Variants in ARHGEF7 observed in about 807,000 individuals in gnomAD.
ARHGEF7 encodes PAK-interacting exchange factor beta.
A neutral mutation model predicts 109.8 loss-of-function variants in ARHGEF7; 33 were observed. That is an observed-to-expected ratio of 0.30 (90% CI 0.23 to 0.40). The LOEUF is 0.40. Ranked by LOEUF, ARHGEF7 falls within the 10% of genes least tolerant of loss-of-function variation. The probability of loss-of-function intolerance (pLI) is 1.00; values close to 1 mark genes in which losing one functional copy is unlikely to be tolerated. For synonymous variants in ARHGEF7, 458 were observed against 424.6 expected, an observed-to-expected ratio of 1.08 and a Z score of -0.97; for missense variants, 938 against 1,098.5, an observed-to-expected ratio of 0.85 and a Z score of 2.07.
intron 2 of ARHGEF7, among the ~76,000 whole-genome samples, chr13:111,176,598 C>G (rs1034276955): frequency 1.4e-4 from 21 of 152,336 alleles, no homozygotes; most frequent in African/African-American, 5.1e-4. Flanking sequence ...GGAAGTTTCC[C>G]ATCAGGTAGG....
intron 4 of ARHGEF7, among the ~76,000 whole-genome samples, chr13:111,215,913 TA>T (rs1276841223): frequency 6.6e-6 from 1 of 152,100 alleles, no homozygotes; most frequent in African/African-American, 2.4e-5. Context: ...GTTTTTTTGT[TA>T]ATTCCCCTGT....
intron 8 of ARHGEF7, among the ~76,000 whole-genome samples, chr13:111,245,583 T>C (rs183621421): frequency 6.6e-6 from 1 of 152,266 alleles, no homozygotes; most frequent in Non-Finnish European, 1.5e-5. Context: ...CAGTGATTGC[T>C]CTCATTTGGT....
intron 2 of ARHGEF7, among the ~76,000 whole-genome samples, chr13:111,199,343 T>C (rs755126786): frequency 7.2e-5 from 11 of 152,094 alleles, no homozygotes; most frequent in Non-Finnish European, 1.2e-4. Flanking sequence ...CTTAGAACTT[T>C]TGTCTGCTGA....
rs2092322873 is a variant in ARHGEF7 at position 111,273,768 on chromosome 13, C to G, written c.1074-46C>G. 6.2e-7 allele frequency: 1 copy of G among 1,607,810 alleles called. No individual in the cohort carries two copies. Among genetic ancestry groups the G allele is most frequent in the African/African-American group, 1.3e-5 (1 of 74,840 alleles). On this transcript the variant is annotated intron_variant, in intron 9 of 21. Coordinates refer to ENST00000646102, the MANE Select transcript of ARHGEF7 (RefSeq NM_001354046.2). This position sits in a 1 kb window ranked among gnomAD's most constrained non-coding sequence, Gnocchi z 4.5. ...ATGGAGATGAGAGAGCCACCATTGT[C>G]TCTCATTGCTAACCACGAGTGTCTC...
intron 6 of ARHGEF7, among the ~76,000 whole-genome samples, chr13:111,242,170 C>T (rs1195534239): frequency 2.0e-5 from 3 of 152,194 alleles, no homozygotes; most frequent in African/African-American, 7.2e-5. Context: ...GAATAGATCC[C>T]TTCAGGGATG....
At chr13:111,155,292 C>T (rs1347713873) in intron 2 of ARHGEF7, among the ~76,000 whole-genome samples, 1 of 152,148 alleles carries the variant, frequency 6.6e-6, no homozygotes, top group Non-Finnish European at 1.5e-5. Context: ...CTATAGGTTT[C>T]TCGGAAAACC....
intron 13 of ARHGEF7, among the ~76,000 whole-genome samples, chr13:111,278,308 T>G (rs764758808): frequency 6.6e-6 from 1 of 152,082 alleles, no homozygotes; most frequent in Non-Finnish European, 1.5e-5. Flanking sequence ...ACTTGGCAGG[T>G]TTCATTCTTC....
chr13:111,276,034 C>T, intron 12 of ARHGEF7: 1 of 259,214 alleles, frequency 3.9e-6, no homozygotes, highest in South Asian at 5.0e-5. Flanking sequence ...GGCTCACTCT[C>T]ACAGGGACCT....
rs556455992 is a variant in ARHGEF7 at position 111,304,600 on chromosome 13, C to T, written c.*1487C>T. ...CACCTGAATCCTTTGTGTACTGATG[C>T]CTTTGAGCTGGGCACCTTGGGAGAG... On this transcript the variant is annotated 3_prime_UTR_variant, in exon 22 of 22. Transcript: ENST00000646102. 6.6e-6 allele frequency: 1 copy of T among 152,354 alleles called. No individual in the cohort carries two copies. Among genetic ancestry groups the T allele is most frequent in the South Asian group, 2.1e-4 (1 of 4,828 alleles). 9.4% of individuals were successfully genotyped at this position (152,354 alleles called of 1,614,324 possible).
chr13:111,205,233 A>T, intron 2 of ARHGEF7, 56 bp from the exon 3 acceptor site: 1 of 1,418,348 alleles, frequency 7.1e-7, no homozygotes, highest in South Asian at 1.2e-5. Flanking sequence ...AACTTAGTTC[A>T]TCCTGCACCC....
chr13:111,296,810 G>A (rs994022746), intron 19 of ARHGEF7, among the ~76,000 whole-genome samples: 6 of 152,264 alleles, frequency 3.9e-5, no homozygotes, highest in African/African-American at 1.4e-4. Flanking sequence ...GTGATTCTCC[G>A]AGAAGTGTAG....
In ARHGEF7 at chr13:111,300,770, A is replaced by G; in HGVS notation, c.2334A>G (p.Pro778=). The change falls in exon 20 of 22, where the codon CCA becomes CCG. Residue 778 remains proline (P), a synonymous_variant. Transcript: ENST00000646102. ...TAGGTTCACGCAAAGAATCTGCTCC[A>G]CAAGTTTTGCTTCCAGAAGAAGAGA... ...STSRSRKESA[P]QVLLPEEEKI... 1.9e-6 allele frequency: 3 copies of G among 1,611,942 alleles called. No homozygotes were observed. Among genetic ancestry groups the G allele is most frequent in the Non-Finnish European group, 2.5e-6 (3 of 1,178,912 alleles).
chr13:111,253,041 C>A (rs912642409), intron 8 of ARHGEF7, among the ~76,000 whole-genome samples: 1 of 152,248 alleles, frequency 6.6e-6, no homozygotes, highest in Non-Finnish European at 1.5e-5. Context: ...GGAGCCCAGG[C>A]CCCCTTCTCC....
At chr13:111,177,335 T>C (rs561487629) in intron 2 of ARHGEF7, among the ~76,000 whole-genome samples, 1 of 152,370 alleles carries the variant, frequency 6.6e-6, no homozygotes, top group South Asian at 2.1e-4. Flanking sequence ...ATCGTCCTTT[T>C]GTCCCTCTAC....
rs538366630 is a variant in ARHGEF7, at chr13:111,173,685, T to C, written c.252+19694T>C. Among the ~76,000 whole-genome samples the C allele has an allele frequency of 7.4e-4, 113 of 152,308 alleles. 1 individual carries two copies. The highest frequency in any genetic ancestry group is 1.2e-3 in the South Asian group (6 of 4,824). On this transcript the variant is annotated intron_variant, in intron 2 of 21. Coordinates refer to ENST00000646102, the MANE Select transcript of ARHGEF7 (RefSeq NM_001354046.2). ...GGTCAGCTTTAAGTCGGCTTGTGTT[T>C]CATGGCTGCCAAGTGAGCATGGAGA... is the stretch of plus-strand genomic sequence containing the variant.
Position 111,301,448 on chromosome 13 carries a change from C to T in ARHGEF7, c.2412-30C>T, listed in dbSNP as rs376573961. On this transcript the variant is annotated intron_variant, in intron 20 of 21. Coordinates refer to ENST00000646102, the MANE Select transcript of ARHGEF7 (RefSeq NM_001354046.2). The stretch of plus-strand genomic sequence containing the variant: ...TGTCCTCTCCATGCCTCACCTTGTT[C>T]ATGTGTGTGTGTTCTGTTTCCTGTT... 4.4e-6 allele frequency: 7 copies of T among 1,599,592 alleles called. No individual in the cohort carries two copies. In the African/African-American group the frequency reaches 6.7e-5, roughly 15 times the overall value.
intron 1 of ARHGEF7, among the ~76,000 whole-genome samples, chr13:111,141,793 A>C (rs986006870): frequency 5.9e-5 from 9 of 152,202 alleles, no homozygotes; most frequent in African/African-American, 2.2e-4. Context: ...AAATGTGTGC[A>C]GGGTTTTGTG....
intron 13 of ARHGEF7, among the ~76,000 whole-genome samples, chr13:111,279,326 C>T (rs1346614321): frequency 6.6e-6 from 1 of 152,046 alleles, no homozygotes. Context: ...TGGCCAGGGG[C>T]TGGGGGTCTC....
At chr13:111,285,163 AC>A (rs2092965452) in intron 16 of ARHGEF7, among the ~76,000 whole-genome samples, 1 of 152,128 alleles carries the variant, frequency 6.6e-6, no homozygotes, top group Non-Finnish European at 1.5e-5. Context: ...TTCAAAACTC[AC>A]CCCCATCACC....
Sources: allele counts gnomAD v4.1 joint callset (sites outside exome capture counted in the v4.1 genomes callset), GRCh38; gene constraint gnomAD v4.1.1; non-coding constraint Gnocchi (gnomAD v3.1); transcripts MANE v1.5; gene names NCBI Gene and HGNC (gene_info 2026-07-23, HGNC 2026-07-21).